TMEM198: variants seen among roughly 807,000 people sequenced by gnomAD.
The protein encoded by TMEM198 is transmembrane protein 198.
In TMEM198, 21 loss-of-function variants were observed where a neutral mutation model predicts 31.5. That is an observed-to-expected ratio of 0.67 (90% CI 0.47 to 0.96). The LOEUF is 0.96. Among genes scored for constraint, TMEM198 ranks in the 40% least tolerant of loss-of-function variants. The pLI is 0.00. For synonymous variants in TMEM198, 211 were observed against 223.3 expected (o/e 0.95, Z 0.49); for missense variants, 447 against 499.4 (o/e 0.89, Z 1.00).
chr2:219,544,809 C>A lies in TMEM198; in HGVS notation c.82C>A (p.Gln28Lys). Residue 28 changes from glutamine to lysine, a missense_variant, in exon 2 of 5, where the codon CAG becomes AAG. By Grantham distance (53) the Gln-to-Lys change is moderately conservative. Coordinates refer to ENST00000373883, the MANE Select transcript of TMEM198 (RefSeq NM_001005209.3). ...DDAFWGAPCE[Q>K]PLERRYQALP... is the part of the protein sequence containing the mutation. ...TGCCTTCTGGGGTGCACCTTGTGAA[C>A]AGCCCCTGGAGCGCAGGTACCAGGC... 1 of 1,614,244 alleles carries A rather than the reference C, an allele frequency of 6.2e-7. No individual in the cohort carries two copies. Among genetic ancestry groups the A allele is most frequent in the South Asian group, 1.1e-5 (1 of 91,086 alleles).
upstream of TMEM198, chr2:219,543,894 G>A: frequency 5.8e-6 from 2 of 344,468 alleles, no homozygotes; most frequent in East Asian, 7.7e-5. Flanking sequence ...AAGGACCCCC[G>A]GAAGTGCCCC....
intron 2 of TMEM198, among the ~76,000 whole-genome samples, chr2:219,546,127 C>G (rs150699432): frequency 6.6e-6 from 1 of 152,244 alleles, no homozygotes; most frequent in Non-Finnish European, 1.5e-5. Flanking sequence ...ACGCCCTACT[C>G]CTCTCTCTGA....
In TMEM198 at chr2:219,547,805, G is replaced by C; in HGVS notation, c.466G>C (p.Gly156Arg). 2 of 1,591,810 alleles carry C rather than the reference G, an allele frequency of 1.3e-6. No homozygotes were observed. The highest frequency in any genetic ancestry group is 1.7e-6 in the Non-Finnish European group (2 of 1,175,432). Residue 156 changes from glycine (G) to arginine (R), a missense_variant, in exon 3 of 5, where the codon GGC (glycine) becomes CGC (arginine). Gly to Arg is a moderately radical substitution (Grantham distance 125, BLOSUM62 -2). Transcript: ENST00000373883. Reference protein sequence around the residue: ...VWGPLGLLLGGGLLCALLTLR... With the variant: ...VWGPLGLLLGRGLLCALLTLR... Reference sequence around the variant, plus strand: ...GGGTCCACTGGGGCTGTTGCTGGGGGGCGGCCTGCTCTGTGCCCTGCTCAC... The same window carrying C: ...GGGTCCACTGGGGCTGTTGCTGGGGCGCGGCCTGCTCTGTGCCCTGCTCAC...
rs1695472127 is a variant in TMEM198, at chr2:219,549,179, T to A, written c.770T>A (p.Val257Glu). Reference protein sequence around the residue: ...EVVISRQRRRVQLMRIRQQED... With the variant: ...EVVISRQRRREQLMRIRQQED... ...GTCATCAGCCGGCAGCGCCGACGCG[T>A]GCAACTGATGCGGATTCGGCAGCAG... The change falls in exon 4 of 5, where the codon GTG (valine) becomes GAG (glutamate). Residue 257 changes from valine to glutamate, a missense_variant. Transcript: ENST00000373883. 2.5e-6 allele frequency: 4 copies of A among 1,613,980 alleles called. No homozygotes were observed. In the South Asian group the frequency reaches 4.4e-5, roughly 18 times the overall value.
chr2:219,549,152 TG>T lies in TMEM198; in HGVS notation c.745del (p.Val249SerfsTer11). 1.2e-6 allele frequency: 2 copies of T among 1,613,762 alleles called. No individual in the cohort carries two copies. The highest frequency in any genetic ancestry group is 1.7e-6 in the Non-Finnish European group (2 of 1,179,984). On this transcript the variant is annotated frameshift_variant and splice_region_variant, in exon 4 of 5. Coordinates refer to ENST00000373883, the MANE Select transcript of TMEM198 (RefSeq NM_001005209.3). LOFTEE classifies it high-confidence loss of function. ...VTAEGDSHTE[V>X]VISRQRRRVQ... ...TCCTTCTCTACCCATCCCACCACAG[TG>T]GTCATCAGCCGGCAGCGCCGACGCG... is the stretch of plus-strand genomic sequence containing the variant.
rs1430097427 is a variant in TMEM198 at position 219,544,195 on chromosome 2, T to G, written c.-222T>G. The stretch of plus-strand genomic sequence containing the variant: ...GCGGGACTGGAGTGCCAGCCGGTGT[T>G]GGACGTGGAGCGGCGCCGCCACCGC... On this transcript the variant is annotated 5_prime_UTR_variant, in exon 1 of 5. Transcript: ENST00000373883. 6.5e-6 allele frequency: 3 copies of G among 461,488 alleles called. No individual in the cohort carries two copies. The highest frequency in any genetic ancestry group is 1.3e-5 in the Non-Finnish European group (3 of 227,096). 28.6% of individuals were successfully genotyped at this position (461,488 alleles called of 1,614,324 possible).
chr2:219,548,148 T>A (rs1574506331), intron 3 of TMEM198, 67 bp downstream of exon 3: 1 of 1,379,432 alleles, frequency 7.2e-7, no homozygotes, highest in East Asian at 2.5e-5. Context: ...GGGGGCCAAG[T>A]GACTGGGGAG....
upstream of TMEM198, chr2:219,543,938 G>T: frequency 2.9e-6 from 1 of 348,052 alleles, no homozygotes; most frequent in South Asian, 2.2e-5. Flanking sequence ...CGCCGGGGGC[G>T]GAGTCCCCTG....
At chr2:219,545,878 C>T (rs1232229243) in intron 2 of TMEM198, among the ~76,000 whole-genome samples, 2 of 152,134 alleles carry the variant, frequency 1.3e-5, no homozygotes, top group African/African-American at 4.8e-5. Context: ...CCTCCCATTC[C>T]TCCCCCAAAC....
intron 4 of TMEM198, 127 bp downstream of exon 4, chr2:219,549,481 C>T: frequency 7.6e-7 from 1 of 1,312,358 alleles, no homozygotes. Context: ...ACTGTTTGTC[C>T]ATGCATCGGA....
chr2:219,549,050 G>A, intron 3 of TMEM198, 102 bp from the exon 4 acceptor site: 10 of 1,325,632 alleles, frequency 7.5e-6, no homozygotes, highest in Non-Finnish European at 1.1e-5. Flanking sequence ...TGGACAAGAG[G>A]AATCTGGAAG....
Position 219,547,987 on chromosome 2 carries a change from A to G in TMEM198, c.648A>G (p.Arg216=). 6.3e-7 allele frequency: 1 copy of G among 1,587,384 alleles called. No individual in the cohort carries two copies. Among genetic ancestry groups the G allele is most frequent in the East Asian group, 2.3e-5 (1 of 44,024 alleles). ...RAAPVPPLCW[R]SWALLALWPL... is the part of the protein sequence containing the mutation. ...CTCCTGTGCCCCCACTCTGCTGGCG[A>G]AGCTGGGCCCTGCTGGCACTCTGGC... is the stretch of plus-strand genomic sequence containing the variant. The change falls in exon 3 of 5, where the codon CGA becomes CGG. Residue 216 remains arginine (R), a synonymous_variant. Coordinates refer to ENST00000373883, the MANE Select transcript of TMEM198 (RefSeq NM_001005209.3).
intron 2 of TMEM198, 100 bp downstream of exon 2, chr2:219,544,993 A>G: frequency 7.3e-7 from 1 of 1,365,828 alleles, no homozygotes; most frequent in Non-Finnish European, 1.0e-6. Flanking sequence ...ACCATCATGA[A>G]TAATTCTTCC....
intron 2 of TMEM198, among the ~76,000 whole-genome samples, chr2:219,546,778 CTTT>C (rs397987890): frequency 7.9e-5 from 10 of 127,276 alleles, no homozygotes; most frequent in African/African-American, 9.2e-5. Context: ...TCTCAAGTTT[CTTT>C]TTTTTTTTTT....
intron 4 of TMEM198, 35 bp downstream of exon 4, chr2:219,549,389 AG>A (rs763535802): frequency 1.3e-6 from 2 of 1,591,578 alleles, no homozygotes; most frequent in Non-Finnish European, 8.6e-7. Context: ...CAGAATGAGA[AG>A]GAAGTGTGGA....
Position 219,549,914 on chromosome 2 carries a change from A to C in TMEM198, c.*60A>C. ...CTCTGCCAGCTCGAGGAGGCCTGCT[A>C]GGCTGCCACTCAGCCTCCTGGCTTT... On this transcript the variant is annotated 3_prime_UTR_variant, in exon 5 of 5. Coordinates refer to ENST00000373883, the MANE Select transcript of TMEM198 (RefSeq NM_001005209.3). 6.3e-7 allele frequency: 1 copy of C among 1,582,076 alleles called. No individual in the cohort carries two copies. The highest frequency in any genetic ancestry group is 8.6e-7 in the Non-Finnish European group (1 of 1,158,114).
At position 219,549,988 on chromosome 2, in the gene TMEM198, G is replaced by A. The variant is rs1166641286; in HGVS notation, c.*134G>A. Reference sequence around the variant, plus strand: ...AGAGGGCTGGCCTGGTCACTAGAAGGGAGGATTGTCTCAGGCGAGTCTTGG... The same window carrying A: ...AGAGGGCTGGCCTGGTCACTAGAAGAGAGGATTGTCTCAGGCGAGTCTTGG... On this transcript the variant is annotated 3_prime_UTR_variant, in exon 5 of 5. Transcript: ENST00000373883. The A allele has an allele frequency of 5.7e-6, 7 of 1,234,594 alleles. No individual in the cohort carries two copies. Among genetic ancestry groups the A allele is most frequent in the Non-Finnish European group, 7.8e-6 (7 of 897,374 alleles). The allele number at this position is 1,234,594 out of a possible 1,614,324, so 76.5% of individuals were successfully genotyped here. A position where few individuals can be genotyped will look rare whatever the true frequency, so the allele number is the denominator to read the frequency against.
chr2:219,546,778 C>CTTTTTTTTTTTTTTTTT (rs397987890), intron 2 of TMEM198, among the ~76,000 whole-genome samples: 1 of 127,252 alleles, frequency 7.9e-6, no homozygotes, highest in African/African-American at 3.1e-5. Context: ...TCTCAAGTTT[C>CTTTTTTTTTTTTTTTTT]TTTTTTTTTT....
At chr2:219,549,632 G>A in intron 4 of TMEM198, 85 bp from the exon 5 acceptor site, 3 of 1,579,256 alleles carry the variant, frequency 1.9e-6, no homozygotes, top group East Asian at 2.2e-5. Flanking sequence ...CTATAGAAGT[G>A]TCAGGCTTGT....
Sources: gnomAD v4.1 joint callset for allele counts (sites outside exome capture counted in the v4.1 genomes callset) on GRCh38, gnomAD v4.1.1 for gene constraint, MANE v1.5 for transcripts, NCBI Gene and HGNC (gene_info 2026-07-23, HGNC 2026-07-21) for gene names.